COL22A1: variants seen among roughly 807,000 people sequenced by gnomAD.
The protein encoded by COL22A1 is collagen type XXII alpha 1 chain, also known as collagen alpha-1(XXII) chain.
In COL22A1, 221 loss-of-function variants were observed where a neutral mutation model predicts 248.9. The ratio of observed to expected loss-of-function variants is 0.89; its 90% confidence interval spans 0.80 to 0.99. The LOEUF is 0.99. Ranked by LOEUF, COL22A1 falls within the 50% of genes least tolerant of loss-of-function variation. The pLI is 0.00. For missense variants in COL22A1, 2,240 were observed against 2,179.0 expected, an observed-to-expected ratio of 1.03 and a Z score of -0.56; for synonymous variants, 891 against 793.4, an observed-to-expected ratio of 1.12 and a Z score of -2.07.
At chr8:138,863,699 T>C (rs1001270664) in intron 3 of COL22A1, among the ~76,000 whole-genome samples, 1 of 152,178 alleles carries the variant, frequency 6.6e-6, no homozygotes, top group Non-Finnish European at 1.5e-5. Flanking sequence ...GCAGTTTTAC[T>C]TGACTGCTCT....
In COL22A1 at chr8:138,821,212, ATGGGTAG is replaced by A; in HGVS notation, c.1162_1168del (p.Leu388SerfsTer14). The A allele has an allele frequency of 1.9e-6, 3 of 1,614,130 alleles. No individual in the cohort carries two copies. Among genetic ancestry groups the A allele is most frequent in the Non-Finnish European group, 2.5e-6 (3 of 1,180,026 alleles). ...GATGTCAATGTTCTCCCGTTCCTCG[ATGGGTAG>A]TGTCTGCACCAGCGCACAGTCAATG... On this transcript the variant is annotated frameshift_variant, in exon 7 of 65. Transcript: ENST00000303045. LOFTEE classifies it high-confidence loss of function.
intron 12 of COL22A1, among the ~76,000 whole-genome samples, chr8:138,781,423 G>A (rs1343766): frequency 6.6e-6 from 1 of 152,186 alleles, no homozygotes; most frequent in East Asian, 1.9e-4. Flanking sequence ...AGGATGCTCG[G>A]CTGCATCCCT....
chr8:138,637,790 ATC>A (rs879867793), intron 47 of COL22A1, among the ~76,000 whole-genome samples: 8 of 150,874 alleles, frequency 5.3e-5, no homozygotes, highest in Non-Finnish European at 1.2e-4. Flanking sequence ...AACATTAGCT[ATC>A]ATCATTCTCA....
intron 3 of COL22A1, among the ~76,000 whole-genome samples, chr8:138,865,633 ATGTT>A (rs1563860500): frequency 9.0e-6 from 1 of 110,682 alleles, no homozygotes; most frequent in African/African-American, 3.5e-5. Flanking sequence ...GTGTATGTGT[ATGTT>A]TGTATGCTGG....
intron 23 of COL22A1, among the ~76,000 whole-genome samples, chr8:138,726,959 G>A (rs1236803916): frequency 1.3e-5 from 2 of 152,172 alleles, no homozygotes; most frequent in African/African-American, 4.8e-5. Flanking sequence ...GAGGGAGGAA[G>A]GGTGGACATG....
chr8:138,658,551 C>G (rs1823499768), intron 44 of COL22A1, among the ~76,000 whole-genome samples: 1 of 152,194 alleles, frequency 6.6e-6, no homozygotes, highest in Non-Finnish European at 1.5e-5. Flanking sequence ...CACACCGTGA[C>G]TTGGAGAATT....
chr8:138,703,946 A>G (rs1206583750), intron 30 of COL22A1, among the ~76,000 whole-genome samples: 1 of 152,220 alleles, frequency 6.6e-6, no homozygotes, highest in Non-Finnish European at 1.5e-5. Flanking sequence ...CTTTTCCAAC[A>G]GTCTTAGCAA....
chr8:138,737,086 C>T (rs546766661), intron 23 of COL22A1, among the ~76,000 whole-genome samples: 4 of 152,290 alleles, frequency 2.6e-5, no homozygotes, highest in East Asian at 1.9e-4. Flanking sequence ...CCCAGCGCTG[C>T]GCTGCGGCCC....
intron 12 of COL22A1, among the ~76,000 whole-genome samples, chr8:138,783,011 C>T (rs1815165290): frequency 1.3e-5 from 2 of 152,108 alleles, no homozygotes; most frequent in South Asian, 4.1e-4. Flanking sequence ...TTGTAAGTTG[C>T]TTGCAGTTCT....
chr8:138,841,875 TG>T (rs1427105745), intron 4 of COL22A1, among the ~76,000 whole-genome samples: 19 of 152,144 alleles, frequency 1.2e-4, no homozygotes, highest in African/African-American at 4.3e-4. Flanking sequence ...GGCCAGTCCA[TG>T]GGGAAGAGCT....
intron 62 of COL22A1, among the ~76,000 whole-genome samples, chr8:138,595,520 T>C (rs2032574934): frequency 1.3e-5 from 2 of 152,146 alleles, no homozygotes; most frequent in African/African-American, 4.8e-5. Flanking sequence ...CACCCACCCA[T>C]GGTGCCCACC....
rs1478507826 is a variant in COL22A1 at position 138,619,630 on chromosome 8, C to T, written c.3772-122G>A. On this transcript the variant is annotated intron_variant, in intron 52 of 64. Coordinates refer to ENST00000303045, the MANE Select transcript of COL22A1 (RefSeq NM_152888.3). ...CCAGTTTCTATCCACCCTGTCAGCC[C>T]TTTCCCCTGGTGTCTTGGTCCTTCT... is the stretch of plus-strand genomic sequence containing the variant. 3 of 872,592 alleles carry T rather than the reference C, an allele frequency of 3.4e-6. No individual in the cohort carries two copies. In the Admixed American group the frequency reaches 5.7e-5, roughly 16 times the overall value. 54.1% of individuals were successfully genotyped at this position (872,592 alleles called of 1,614,324 possible). A position where few individuals can be genotyped will look rare whatever the true frequency, so the allele number is the denominator to read the frequency against.
intron 47 of COL22A1, among the ~76,000 whole-genome samples, chr8:138,638,095 A>T (rs1664859930): frequency 6.6e-6 from 1 of 152,174 alleles, no homozygotes; most frequent in Non-Finnish European, 1.5e-5. Context: ...GGTCATCAAG[A>T]TGCTCAAAAT....
At chr8:138,726,039 T>G in intron 23 of COL22A1, among the ~76,000 whole-genome samples, 1 of 152,326 alleles carries the variant, frequency 6.6e-6, no homozygotes, top group East Asian at 1.9e-4. Context: ...TTGTGCTATT[T>G]AAATCATTCA....
chr8:138,868,279 G>T (rs1230357359), intron 3 of COL22A1, among the ~76,000 whole-genome samples: 3 of 152,032 alleles, frequency 2.0e-5, no homozygotes, highest in Non-Finnish European at 4.4e-5. Context: ...CCGAGTCAGG[G>T]GTTCTCAAAG....
intron 3 of COL22A1, among the ~76,000 whole-genome samples, chr8:138,850,296 TG>T (rs1209661885): frequency 8.5e-5 from 13 of 152,344 alleles, no homozygotes; most frequent in Admixed American, 6.5e-5. Context: ...AGAGAGGGCA[TG>T]GTCAGAGTGC....
chr8:138,673,504 C>T (rs567234850), intron 41 of COL22A1, among the ~76,000 whole-genome samples: 32 of 152,286 alleles, frequency 2.1e-4, no homozygotes, highest in East Asian at 5.8e-4. Context: ...CCACCATGCC[C>T]GGCCCCAGCC....
intron 4 of COL22A1, among the ~76,000 whole-genome samples, chr8:138,838,385 C>T (rs887407073): frequency 5.3e-5 from 8 of 152,030 alleles, no homozygotes; most frequent in African/African-American, 1.2e-4. Context: ...AGAATCTGGG[C>T]GGACACGTGC....
chr8:138,908,181 C>T (rs1217713359), intron 1 of COL22A1, among the ~76,000 whole-genome samples: 1 of 152,200 alleles, frequency 6.6e-6, no homozygotes. Context: ...TATGCAGTAC[C>T]TCCTAAGAGC....
Sources: gnomAD v4.1 joint callset for allele counts (sites outside exome capture counted in the v4.1 genomes callset) on GRCh38, gnomAD v4.1.1 for gene constraint, MANE v1.5 for transcripts, NCBI Gene and HGNC (gene_info 2026-07-23, HGNC 2026-07-21) for gene names.